Variants in LIFR observed in about 807,000 individuals in gnomAD.
LIFR encodes leukemia inhibitory factor receptor.
In LIFR, 84 loss-of-function variants were observed where a neutral mutation model predicts 122.2. That is an observed-to-expected ratio of 0.69 (90% CI 0.58 to 0.82). The LOEUF is 0.82. Among genes scored for constraint, LIFR ranks in the 40% least tolerant of loss-of-function variants. LIFR has a pLI of 0.00. For missense variants in LIFR, 1,294 were observed against 1,311.6 expected (o/e 0.99, Z 0.21); for synonymous variants, 422 against 434.7 (o/e 0.97, Z 0.36).
At chr5:38,545,484 C>T (rs1239221956) in intron 1 of LIFR, among the ~76,000 whole-genome samples, 2 of 151,806 alleles carry the variant, frequency 1.3e-5, no homozygotes, top group African/African-American at 2.4e-5. Flanking sequence ...TGTATTTTTA[C>T]TTATATTCCC....
rs1193923537 is a variant in LIFR, at chr5:38,480,019, T to C, written c.*1576A>G. On this transcript the variant is annotated 3_prime_UTR_variant, in exon 20 of 20. Coordinates refer to ENST00000453190, the MANE Select transcript of LIFR (RefSeq NM_001127671.2). The stretch of plus-strand genomic sequence containing the variant: ...TTGTCACTTGTCACTCTGGCTTTTT[T>C]CCACAACATGGTTTTTAAAAAGATA... The C allele has an allele frequency of 8.9e-6, 2 of 224,214 alleles. No individual in the cohort carries two copies. The highest frequency in any genetic ancestry group is 1.8e-5 in the Non-Finnish European group (2 of 112,700). The allele number at this position is 224,214 out of a possible 1,614,324, so 13.9% of individuals were successfully genotyped here.
chr5:38,549,252 T>TACACACAC (rs58706799), intron 1 of LIFR, among the ~76,000 whole-genome samples: 83 of 147,910 alleles, frequency 5.6e-4, no homozygotes, highest in South Asian at 2.6e-3. Flanking sequence ...TAGAAAATTG[T>TACACACAC]ACACACACAC....
chr5:38,503,409 A>G (rs1745289319), intron 10 of LIFR, among the ~76,000 whole-genome samples: 2 of 152,168 alleles, frequency 1.3e-5, no homozygotes, highest in Non-Finnish European at 2.9e-5. Context: ...GCTCCCCAAA[A>G]CATTACAAAG....
chr5:38,506,683 A>C, intron 7 of LIFR, 51 bp from the exon 8 acceptor site: 1 of 1,491,550 alleles, frequency 6.7e-7, no homozygotes, highest in Non-Finnish European at 9.3e-7. Flanking sequence ...TTTCCCTGAA[A>C]ACATAATATT....
At chr5:38,512,965 AT>A (rs1165558394) in intron 5 of LIFR, among the ~76,000 whole-genome samples, 6 of 152,168 alleles carry the variant, frequency 3.9e-5, no homozygotes, top group African/African-American at 1.4e-4. Flanking sequence ...TAAATAGAAG[AT>A]TAAATATGTA....
rs1284872495 is a variant in LIFR, at chr5:38,480,626, G to A, written c.*969C>T. The A allele has an allele frequency of 3.2e-5, 7 of 219,554 alleles. No individual in the cohort carries two copies. The highest frequency in any genetic ancestry group is 5.5e-5 in the Non-Finnish European group (6 of 109,496). The allele number at this position is 219,554 out of a possible 1,614,324, so 13.6% of individuals were successfully genotyped here. On this transcript the variant is annotated 3_prime_UTR_variant, in exon 20 of 20. Coordinates refer to ENST00000453190, the MANE Select transcript of LIFR (RefSeq NM_001127671.2). ...GCTCAACGGCATGGTCTCCTCAGGAGGAACGAAATCCAATCAGAACTATAT... is the reference window on the plus strand; with the variant it reads ...GCTCAACGGCATGGTCTCCTCAGGAAGAACGAAATCCAATCAGAACTATAT...
rs200816368 is a variant in LIFR at position 38,528,747 on chromosome 5, T to C, written c.236A>G (p.Tyr79Cys). The C allele has an allele frequency of 7.5e-6, 12 of 1,590,912 alleles. No individual in the cohort carries two copies. Among genetic ancestry groups the C allele is most frequent in the Admixed American group, 6.9e-5 (4 of 57,974 alleles). Residue 79 changes from tyrosine (Y) to cysteine (C), a missense_variant, in exon 3 of 20, where the codon TAT becomes TGT. Tyr to Cys is a radical substitution (Grantham distance 194, BLOSUM62 -2). Coordinates refer to ENST00000453190, the MANE Select transcript of LIFR (RefSeq NM_001127671.2). ...APSGTGRGTDYEVCIENRSRS... is the reference protein window; with the variant it reads ...APSGTGRGTDCEVCIENRSRS... Reference sequence around the variant, plus strand: ...TTACCTGTTTTCAATGCAAACTTCATAATCAGTACCACGGCCTGTTCCAGA... The same window carrying C: ...TTACCTGTTTTCAATGCAAACTTCACAATCAGTACCACGGCCTGTTCCAGA...
At chr5:38,596,754 C>A (rs766045329), upstream of LIFR, among the ~76,000 whole-genome samples, 1 of 152,130 alleles carries the variant, frequency 6.6e-6, no homozygotes, top group Non-Finnish European at 1.5e-5. Context: ...CCTGGTCAAC[C>A]CTAATCTTGT....
chr5:38,484,397 T>C (rs1744163683), intron 18 of LIFR, among the ~76,000 whole-genome samples: 1 of 152,228 alleles, frequency 6.6e-6, no homozygotes, highest in African/African-American at 2.4e-5. Flanking sequence ...GTTGAATAAA[T>C]GAGCAAATGA....
At chr5:38,566,419 C>CT (rs1278596678) in intron 1 of LIFR, among the ~76,000 whole-genome samples, 1 of 152,076 alleles carries the variant, frequency 6.6e-6, no homozygotes, top group Non-Finnish European at 1.5e-5. Context: ...CATTAAGAAT[C>CT]TTTTTTCCCC....
At chr5:38,545,207 T>C (rs893670794) in intron 1 of LIFR, among the ~76,000 whole-genome samples, 1 of 151,954 alleles carries the variant, frequency 6.6e-6, no homozygotes, top group Admixed American at 6.5e-5. Context: ...GAGGCGGAGC[T>C]TGCAGTGAGC....
At chr5:38,508,543 G>A (rs1192890154) in intron 7 of LIFR, among the ~76,000 whole-genome samples, 1 of 151,864 alleles carries the variant, frequency 6.6e-6, no homozygotes, top group Non-Finnish European at 1.5e-5. Context: ...AGACGTGTGT[G>A]TAGGGAAAAA....
In LIFR at chr5:38,551,322, G is replaced by A. The variant is rs117169257; in HGVS notation, c.-20+5012C>T. On this transcript the variant is annotated intron_variant, in intron 1 of 19. Transcript: ENST00000453190. ...TACTGTGGCACTCGGGTGTCCTCAG[G>A]GGCTGCAGCCTAAAGTCCTGGTGGC... Among the ~76,000 whole-genome samples, 91 of 152,206 alleles carry A rather than the reference G, an allele frequency of 6.0e-4. 2 individuals are homozygous for A. In the South Asian group the frequency reaches 0.01, roughly 17 times the overall value.
chr5:38,559,207 C>G (rs1375365549), upstream of LIFR: 1 of 152,190 alleles, frequency 6.6e-6, no homozygotes, highest in Non-Finnish European at 1.5e-5. Context: ...GCCACAGCTT[C>G]TAAGGAACAC....
intron 5 of LIFR, among the ~76,000 whole-genome samples, chr5:38,513,417 C>T (rs1479643068): frequency 6.6e-6 from 1 of 152,202 alleles, no homozygotes; most frequent in African/African-American, 2.4e-5. Flanking sequence ...TGTTGGCTAC[C>T]CAGATCCCTT....
intron 5 of LIFR, among the ~76,000 whole-genome samples, chr5:38,513,255 A>C (rs1745900888): frequency 6.6e-6 from 1 of 152,234 alleles, no homozygotes; most frequent in South Asian, 2.1e-4. Flanking sequence ...AAGACCTGAG[A>C]AAACAAAATC....
intron 11 of LIFR, 63 bp from the exon 12 acceptor site, chr5:38,499,646 ATTT>A: frequency 8.9e-7 from 1 of 1,123,476 alleles, no homozygotes; most frequent in South Asian, 1.3e-5. Context: ...GGTGCTTGGC[ATTT>A]TTTTTCTAGG....
In LIFR at chr5:38,481,088, T is replaced by C. The variant is rs1743959808; in HGVS notation, c.*507A>G. The stretch of plus-strand genomic sequence containing the variant: ...TATTAATTTTTGTGAATGCTGTGGA[T>C]AGAGGAGAATAATCTTAGAAGTTTT... On this transcript the variant is annotated 3_prime_UTR_variant, in exon 20 of 20. Transcript: ENST00000453190. 2 of 241,822 alleles carry C rather than the reference T, an allele frequency of 8.3e-6. No homozygotes were observed. Among genetic ancestry groups the C allele is most frequent in the Non-Finnish European group, 1.6e-5 (2 of 122,820 alleles). 15.0% of individuals were successfully genotyped at this position (241,822 alleles called of 1,614,324 possible).
upstream of LIFR, among the ~76,000 whole-genome samples, chr5:38,598,938 A>G (rs1750174192): frequency 6.6e-6 from 1 of 152,166 alleles, no homozygotes; most frequent in Non-Finnish European, 1.5e-5. Context: ...CCTTTCATCC[A>G]CTTAACCTCC....
Sources: allele counts gnomAD v4.1 joint callset (sites outside exome capture counted in the v4.1 genomes callset), GRCh38; gene constraint gnomAD v4.1.1; transcripts MANE v1.5; gene names NCBI Gene and HGNC (gene_info 2026-07-23, HGNC 2026-07-21).